Variants in ANK3 observed in about 807,000 individuals in gnomAD.
The protein encoded by ANK3 is ankyrin-3.
In ANK3, 57 loss-of-function variants were observed where a neutral mutation model predicts 370.9. The ratio of observed to expected loss-of-function variants is 0.15; its 90% CI spans 0.12 to 0.19. The LOEUF is 0.19. Among genes scored for constraint, ANK3 ranks in the 10% least tolerant of loss-of-function variants. The pLI is 1.00. For synonymous variants in ANK3, 1,929 were observed against 1,946.3 expected (o/e 0.99, Z 0.23); for missense variants, 4,439 against 5,302.1 (o/e 0.84, Z 5.06).
chr10:60,191,920 T>C (rs2096489064), intron 16 of ANK3, among the ~76,000 whole-genome samples: 1 of 151,382 alleles, frequency 6.6e-6, no homozygotes, highest in Admixed American at 6.7e-5. Context: ...TTTTTTATTA[T>C]TTTTTTGAGA....
intron 1 of ANK3, among the ~76,000 whole-genome samples, chr10:60,696,850 G>C (rs61854536): frequency 0.95 from 122,637 of 128,620 alleles, 58,573 homozygotes; most frequent in East Asian, 0.99. Flanking sequence ...CACAAGACAG[G>C]GATGTCCTCT....
At chr10:60,435,410 TTAGAACAA>T (rs1310085738) in intron 2 of ANK3, among the ~76,000 whole-genome samples, 2 of 152,246 alleles carry the variant, frequency 1.3e-5, no homozygotes, top group Non-Finnish European at 2.9e-5. Flanking sequence ...TTTTCTTTTC[TTAGAACAA>T]TCTTTCCTCT....
chr10:60,398,838 A>G (rs1409706995), intron 2 of ANK3, among the ~76,000 whole-genome samples: 1 of 152,218 alleles, frequency 6.6e-6, no homozygotes, highest in Non-Finnish European at 1.5e-5. Context: ...TAACAGTGTC[A>G]TAAACACAAT....
intron 1 of ANK3, among the ~76,000 whole-genome samples, chr10:60,680,622 G>A (rs996042547): frequency 2.0e-5 from 3 of 152,076 alleles, no homozygotes; most frequent in African/African-American, 4.8e-5. Flanking sequence ...TCTCAAATCC[G>A]TGTCTCTGGC....
intron 7 of ANK3, among the ~76,000 whole-genome samples, chr10:60,242,856 G>A (rs75899397): frequency 0.03 from 4,609 of 152,146 alleles, 210 homozygotes; most frequent in African/African-American, 0.1. Context: ...GGAAATCTGT[G>A]AAAATCTGAA....
intron 1 of ANK3, among the ~76,000 whole-genome samples, chr10:60,622,816 A>G (rs934899856): frequency 2.0e-5 from 3 of 152,186 alleles, no homozygotes; most frequent in African/African-American, 7.2e-5. Flanking sequence ...TATTTTTCAC[A>G]TGGGACCAAC....
chr10:60,447,565 A>G (rs919232518), intron 2 of ANK3, among the ~76,000 whole-genome samples: 1 of 152,198 alleles, frequency 6.6e-6, no homozygotes, highest in African/African-American at 2.4e-5. Context: ...GGGGAAAAAA[A>G]GCAAACAACA....
intron 2 of ANK3, among the ~76,000 whole-genome samples, chr10:60,578,684 G>C (rs1299763719): frequency 6.6e-6 from 1 of 152,114 alleles, no homozygotes; most frequent in Non-Finnish European, 1.5e-5. Flanking sequence ...AAGATGGACA[G>C]ATACAGCTCC....
chr10:60,141,614 A>G (rs2094574249), intron 23 of ANK3, among the ~76,000 whole-genome samples: 1 of 68,990 alleles, frequency 1.4e-5, no homozygotes, highest in Admixed American at 2.1e-4. Context: ...ACCGCCCCCG[A>G]GAATACCTGG....
intron 2 of ANK3, among the ~76,000 whole-genome samples, chr10:60,395,616 CG>C (rs2063216436): frequency 4.3e-4 from 30 of 70,186 alleles, no homozygotes; most frequent in Admixed American, 1.1e-3. Context: ...TTCTCTCTTT[CG>C]TTCTCTCTCT....
intron 2 of ANK3, among the ~76,000 whole-genome samples, chr10:60,484,516 T>G (rs1381803279): frequency 1.3e-5 from 2 of 152,158 alleles, no homozygotes; most frequent in African/African-American, 4.8e-5. Context: ...TTAAGCTGGG[T>G]GATGGGTAAT....
At chr10:60,400,279 C>G (rs1292719032) in intron 2 of ANK3, among the ~76,000 whole-genome samples, 1 of 152,026 alleles carries the variant, frequency 6.6e-6, no homozygotes, top group Non-Finnish European at 1.5e-5. Context: ...ATTTTCTAGC[C>G]AATTTGAGTT....
At chr10:60,079,342 T>C (rs2131996648) in intron 36 of ANK3, among the ~76,000 whole-genome samples, 1 of 152,318 alleles carries the variant, frequency 6.6e-6, no homozygotes, top group African/African-American at 2.4e-5. Context: ...TTGAATGTGG[T>C]AGGTTTCTTT....
chr10:60,699,445 T>C (rs1019861354), intron 1 of ANK3, among the ~76,000 whole-genome samples: 4 of 152,102 alleles, frequency 2.6e-5, no homozygotes, highest in African/African-American at 9.7e-5. Flanking sequence ...TTTAAAAACA[T>C]ACAATGATCA....
Position 60,693,958 on chromosome 10 carries a change from G to A in ANK3, c.57+39305C>T, listed in dbSNP as rs572619111. On this transcript the variant is annotated intron_variant, in intron 1 of 43. Transcript: ENST00000373827. ...AGACGATCAAATTACTCTGAGCTAC[G>A]GGAGGACATTCAAACCAAAGGCAAA... Among the ~76,000 whole-genome samples the A allele has an allele frequency of 2.9e-4, 44 of 151,898 alleles. No individual in the cohort carries two copies. In the East Asian group the frequency reaches 7.9e-3, roughly 27 times the overall value.
At chr10:60,638,412 A>G (rs1374835625) in intron 1 of ANK3, among the ~76,000 whole-genome samples, 1 of 152,186 alleles carries the variant, frequency 6.6e-6, no homozygotes, top group Non-Finnish European at 1.5e-5. Context: ...TCTGCAAGTA[A>G]CAACTACATA....
intron 1 of ANK3, among the ~76,000 whole-genome samples, chr10:60,669,663 T>C (rs990252766): frequency 3.3e-5 from 5 of 152,128 alleles, no homozygotes; most frequent in African/African-American, 1.2e-4. Context: ...GCCTGGCCAG[T>C]TTTCCATGGC....
chr10:60,644,657 A>T (rs10761536), intron 1 of ANK3, among the ~76,000 whole-genome samples: 102,645 of 151,654 alleles, frequency 0.68, 34,884 homozygotes, highest in South Asian at 0.83. Context: ...ATTCTCCTCC[A>T]GCCACACACT....
chr10:60,451,846 G>A (rs768422853), intron 2 of ANK3, among the ~76,000 whole-genome samples: 8 of 152,162 alleles, frequency 5.3e-5, no homozygotes, highest in Non-Finnish European at 1.0e-4. Flanking sequence ...GAGGAACTGA[G>A]TGATTTTTGC....
Sources: gnomAD v4.1 joint callset for allele counts (sites outside exome capture counted in the v4.1 genomes callset) on GRCh38, gnomAD v4.1.1 for gene constraint, MANE v1.5 for transcripts, NCBI Gene and HGNC (gene_info 2026-07-23, HGNC 2026-07-21) for gene names.